Variants in SYT16 observed in about 807,000 individuals in gnomAD.
The protein encoded by SYT16 is synaptotagmin 16.
In SYT16, 42 loss-of-function variants were observed where a neutral mutation model predicts 61.4. The ratio of observed to expected loss-of-function variants is 0.68; its 90% CI spans 0.53 to 0.89. The LOEUF (loss-of-function observed/expected upper bound fraction) is 0.89, where lower values mean the gene tolerates loss of function less well. SYT16 is among the 40% of genes least tolerant of loss of function. SYT16 has a pLI of 0.00. For synonymous variants in SYT16, 314 were observed against 302.3 expected (o/e 1.04, Z -0.40); for missense variants, 804 against 807.3 (o/e 1.00, Z 0.05).
chr14:62,057,809 G>A (rs552219179), intron 3 of SYT16, among the ~76,000 whole-genome samples: 3 of 152,180 alleles, frequency 2.0e-5, no homozygotes, highest in East Asian at 3.9e-4. Flanking sequence ...ACAATAAACC[G>A]CACATACATA....
intron 7 of SYT16, among the ~76,000 whole-genome samples, chr14:62,088,331 T>A (rs2056956365): frequency 6.6e-6 from 1 of 152,130 alleles, no homozygotes; most frequent in Non-Finnish European, 1.5e-5. Flanking sequence ...ACTTACTGAG[T>A]TACCTACTGC....
Position 61,996,042 on chromosome 14 carries a change from A to G in SYT16, c.23A>G (p.Gln8Arg). The change falls in exon 3 of 8, where the codon CAG becomes CGG. Residue 8 changes from glutamine (Q) to arginine (R), a missense_variant. By Grantham distance (43) the Gln-to-Arg change is conservative. Transcript: ENST00000683842. The part of the protein sequence containing the change: MVLAMAS[Q>R]DVQNFFQPFS... ...GCCATGGTGTTGGCCATGGCGTCTC[A>G]GGATGTTCAGAACTTCTTCCAGCCT... The G allele has an allele frequency of 1.2e-6, 2 of 1,601,664 alleles. No individual in the cohort carries two copies. The highest frequency in any genetic ancestry group is 8.5e-7 in the Non-Finnish European group (1 of 1,173,610).
chr14:62,016,463 G>T (rs1285189634), intron 3 of SYT16, among the ~76,000 whole-genome samples: 2 of 151,412 alleles, frequency 1.3e-5, no homozygotes, highest in Admixed American at 6.6e-5. Context: ...GGAGGCCAAG[G>T]CGGGCAGATC....
intron 1 of SYT16, among the ~76,000 whole-genome samples, chr14:61,922,961 A>G (rs971549283): frequency 2.0e-5 from 3 of 151,862 alleles, no homozygotes; most frequent in African/African-American, 4.8e-5. Context: ...AGGCAGGACA[A>G]TCGCTTGAAC....
intron 1 of SYT16, among the ~76,000 whole-genome samples, chr14:61,960,174 C>A (rs1420603453): frequency 2.0e-5 from 3 of 152,052 alleles, no homozygotes; most frequent in Non-Finnish European, 4.4e-5. Flanking sequence ...GGATTGCCTT[C>A]TTCATTCAGG....
intron 7 of SYT16, 23 bp from the exon 8 acceptor site, chr14:62,100,371 C>T (rs1166467693): frequency 6.5e-7 from 1 of 1,546,560 alleles, no homozygotes; most frequent in African/African-American, 1.4e-5. Flanking sequence ...CATCCCCACC[C>T]CACCCTTTTT....
chr14:61,927,573 C>G (rs575046990), intron 1 of SYT16, among the ~76,000 whole-genome samples: 1 of 152,144 alleles, frequency 6.6e-6, no homozygotes, highest in Admixed American at 6.5e-5. Flanking sequence ...ACTAATAATG[C>G]CATTGAACAG....
At chr14:62,000,312 T>C (rs937223785) in intron 3 of SYT16, among the ~76,000 whole-genome samples, 3 of 151,736 alleles carry the variant, frequency 2.0e-5, no homozygotes, top group African/African-American at 2.4e-5. Flanking sequence ...TTTGTCATTA[T>C]GTAATGTACC....
chr14:62,036,362 G>A (rs1327859193), intron 3 of SYT16, among the ~76,000 whole-genome samples: 1 of 152,112 alleles, frequency 6.6e-6, no homozygotes, highest in Non-Finnish European at 1.5e-5. Context: ...TGTGGAGAAA[G>A]CTGAGGCTAG....
intron 1 of SYT16, among the ~76,000 whole-genome samples, chr14:61,819,257 A>G (rs1594681302): frequency 6.6e-6 from 1 of 152,190 alleles, no homozygotes; most frequent in Non-Finnish European, 1.5e-5. Flanking sequence ...GTCATTAACT[A>G]TTATTTAGCA....
rs1404754516 is a variant in SYT16, at chr14:61,917,806, C to T, written c.-324-52326C>T. ...AATGTTTGGGAGCAGAGTGTTTTGGCTTTTGGCTTCTGGAATATTTGCATA... is the reference window on the plus strand; with the variant it reads ...AATGTTTGGGAGCAGAGTGTTTTGGTTTTTGGCTTCTGGAATATTTGCATA... On this transcript the variant is annotated intron_variant, in intron 1 of 7. Coordinates refer to ENST00000683842, the MANE Select transcript of SYT16 (RefSeq NM_001367656.1). 4.6e-5 allele frequency among the ~76,000 whole-genome samples: 7 copies of T among 152,158 alleles called. No homozygotes were observed. The East Asian group carries it at 1.2e-3, about 25-fold the overall frequency.
chr14:61,847,257 C>T (rs1441242788), intron 1 of SYT16, among the ~76,000 whole-genome samples: 1 of 152,160 alleles, frequency 6.6e-6, no homozygotes, highest in East Asian at 1.9e-4. Flanking sequence ...AATCTTTCAG[C>T]TTTCGTTTGT....
At chr14:62,066,940 A>G (rs988975131) in intron 3 of SYT16, among the ~76,000 whole-genome samples, 3 of 152,220 alleles carry the variant, frequency 2.0e-5, no homozygotes, top group Non-Finnish European at 2.9e-5. Context: ...TTCACAGCAC[A>G]TGCAGGGAGC....
At position 62,100,628 on chromosome 14, in the gene SYT16, A is replaced by T; in HGVS notation, c.1859A>T (p.Glu620Val). The change falls in exon 8 of 8, where the codon GAG becomes GTG. Residue 620 changes from glutamate to valine, a missense_variant. Coordinates refer to ENST00000683842, the MANE Select transcript of SYT16 (RefSeq NM_001367656.1). ...CTGGGCCAGAACAGCAGTGGAGAGG[A>T]GGAACAAGATCACTGGGAGGAGATG... ...IALGQNSSGE[E>V]EQDHWEEMKE... 6.2e-7 allele frequency: 1 copy of T among 1,613,838 alleles called. No individual in the cohort carries two copies. Among genetic ancestry groups the T allele is most frequent in the Non-Finnish European group, 8.5e-7 (1 of 1,179,820 alleles).
In SYT16 at chr14:62,075,238, C is replaced by G; in HGVS notation, c.840C>G (p.Ala280=). ...AGTCCCCATGTGAAAGAGGGGATGCCAAACACCACGGCACATCTCACCAAG... is the reference window on the plus strand; with the variant it reads ...AGTCCCCATGTGAAAGAGGGGATGCGAAACACCACGGCACATCTCACCAAG... The part of the protein sequence containing the change: ...HSQSPCERGD[A]KHHGTSHQES... The change falls in exon 5 of 8, where the codon GCC becomes GCG. Residue 280 remains alanine, a synonymous_variant. Transcript: ENST00000683842. 1.2e-6 allele frequency: 2 copies of G among 1,613,776 alleles called. No individual in the cohort carries two copies. Among genetic ancestry groups the G allele is most frequent in the Non-Finnish European group, 1.7e-6 (2 of 1,179,788 alleles).
chr14:61,971,009 G>A (rs1307925528), intron 2 of SYT16, among the ~76,000 whole-genome samples: 1 of 151,756 alleles, frequency 6.6e-6, no homozygotes, highest in Non-Finnish European at 1.5e-5. Flanking sequence ...TGATGTACCT[G>A]GTCAAGGAGC....
chr14:62,079,464 C>A, intron 5 of SYT16: 1 of 619,414 alleles, frequency 1.6e-6, no homozygotes, highest in Non-Finnish European at 2.3e-6. Context: ...GAAAATAGAA[C>A]ATGGAAAGGA....
Position 61,996,236 on chromosome 14 carries a change from G to C in SYT16, c.217G>C (p.Asp73His), listed in dbSNP as rs542018752. 1.9e-6 allele frequency: 3 copies of C among 1,613,588 alleles called. No individual in the cohort carries two copies. Among genetic ancestry groups the C allele is most frequent in the East Asian group, 4.5e-5 (2 of 44,860 alleles). Residue 73 changes from aspartate (D) to histidine (H), a missense_variant, in exon 3 of 8, where the codon GAC (aspartate) becomes CAC (histidine). Asp to His is a moderately conservative substitution (Grantham distance 81). Coordinates refer to ENST00000683842, the MANE Select transcript of SYT16 (RefSeq NM_001367656.1). ...QETYFEDEEQ[D>H]NDWSQEDANS... ...AACGTACTTTGAAGATGAAGAACAA[G>C]ACAATGATTGGAGTCAAGAGGATGC... is the stretch of plus-strand genomic sequence containing the variant.
At chr14:62,010,493 G>A (rs115843117) in intron 3 of SYT16, among the ~76,000 whole-genome samples, 5,538 of 152,210 alleles carry the variant, frequency 0.036, 110 homozygotes, top group Admixed American at 0.043. Flanking sequence ...GCCCTGGGGT[G>A]GGGTGAGGAG....
Sources: allele counts gnomAD v4.1 joint callset (sites outside exome capture counted in the v4.1 genomes callset), GRCh38; gene constraint gnomAD v4.1.1; transcripts MANE v1.5; gene names NCBI Gene and HGNC (gene_info 2026-07-23, HGNC 2026-07-21).